Variants in PIKFYVE observed in about 807,000 individuals in gnomAD.
PIKFYVE encodes the protein phosphoinositide kinase, FYVE-type zinc finger containing.
PIKFYVE carries 122 observed loss-of-function variants against 257.9 expected under a neutral mutation model. The observed-to-expected ratio is 0.47, with a 90% CI of 0.41 to 0.55. The LOEUF (loss-of-function observed/expected upper bound fraction) is 0.55. Ranked by LOEUF, PIKFYVE falls within the 20% of genes least tolerant of loss-of-function variation. PIKFYVE has a pLI of 0.00. For synonymous variants in PIKFYVE, 892 were observed against 868.9 expected, an observed-to-expected ratio of 1.03 and a Z score of -0.47; for missense variants, 2,160 against 2,536.6, an observed-to-expected ratio of 0.85 and a Z score of 3.19.
intron 35 of PIKFYVE, 125 bp downstream of exon 35, chr2:208,348,148 C>T: frequency 8.1e-7 from 1 of 1,239,474 alleles, no homozygotes; most frequent in South Asian, 1.3e-5. Flanking sequence ...CCTCTGTTCT[C>T]ACTTGTCAGT....
At chr2:208,334,394 C>T (rs1272020261) in intron 24 of PIKFYVE, 1 of 152,962 alleles carries the variant, frequency 6.5e-6, no homozygotes, top group Non-Finnish European at 1.5e-5. Flanking sequence ...GGCCTTTAAT[C>T]TACCTGCACT....
At chr2:208,273,994 A>AT in intron 3 of PIKFYVE, 1 of 1,607,480 alleles carries the variant, frequency 6.2e-7, no homozygotes, top group Non-Finnish European at 8.5e-7. Context: ...CTATTTTTTG[A>AT]TTAATTACTT....
intron 5 of PIKFYVE, 108 bp from the exon 6 acceptor site, chr2:208,285,618 A>G: frequency 1.1e-6 from 1 of 882,238 alleles, no homozygotes; most frequent in South Asian, 1.4e-5. Flanking sequence ...CATTTCCGTT[A>G]TTAGATGAAC....
intron 1 of PIKFYVE, chr2:208,269,199 T>G (rs1162422822): frequency 6.6e-6 from 1 of 152,214 alleles, no homozygotes; most frequent in East Asian, 1.9e-4. Context: ...GAGACTAGAT[T>G]ATAAACTATA....
Position 208,320,325 on chromosome 2 carries a change from C to T in PIKFYVE, c.2156C>T (p.Thr719Ile). ...ATTGAGTATCTCTACAGAGAAGAAA[C>T]TAAGTTTACTTGCATTGATCCTATT... is the stretch of plus-strand genomic sequence containing the variant. The part of the protein sequence containing the change: ...CSIEYLYREE[T>I]KFTCIDPIVL... Residue 719 changes from threonine (T) to isoleucine (I), a missense_variant, in exon 17 of 42, where the codon ACT becomes ATT. Physicochemically the swap from Thr to Ile is moderately conservative, Grantham distance 89. Around this residue, in one of 12 missense-constraint regions of PIKFYVE, gnomAD observed 346 missense variants for 365.6 expected, o/e 0.95. Transcript: ENST00000264380. 1 of 1,612,282 alleles carries T rather than the reference C, an allele frequency of 6.2e-7. No homozygotes were observed. The highest frequency in any genetic ancestry group is 2.2e-5 in the East Asian group (1 of 44,660).
chr2:208,342,944 A>C (rs895659803), intron 32 of PIKFYVE, among the ~76,000 whole-genome samples: 13 of 151,718 alleles, frequency 8.6e-5, no homozygotes, highest in Admixed American at 5.2e-4. Flanking sequence ...ACAGACACAC[A>C]CCACCATGCC....
At chr2:208,270,845 C>T (rs1689326912) in intron 1 of PIKFYVE, among the ~76,000 whole-genome samples, 1 of 151,882 alleles carries the variant, frequency 6.6e-6, no homozygotes, top group African/African-American at 2.4e-5. Flanking sequence ...ACCAGCCTGG[C>T]CAACATGGTG....
At chr2:208,353,556 T>TTA (rs1699960724) in intron 39 of PIKFYVE, among the ~76,000 whole-genome samples, 1 of 152,130 alleles carries the variant, frequency 6.6e-6, no homozygotes, top group African/African-American at 2.4e-5. Context: ...TTTTTTTTTT[T>TTA]AACACTGTTT....
chr2:208,335,642 G>T, intron 25 of PIKFYVE, 151 bp from the exon 26 acceptor site: 2 of 780,762 alleles, frequency 2.6e-6, no homozygotes, highest in South Asian at 3.4e-5. Flanking sequence ...ATCCTTTTAG[G>T]TCTTATTTAC....
intron 2 of PIKFYVE, among the ~76,000 whole-genome samples, chr2:208,272,637 ATGTT>A (rs1421475304): frequency 6.6e-6 from 1 of 152,190 alleles, no homozygotes; most frequent in Non-Finnish European, 1.5e-5. Flanking sequence ...TACTTGAAGT[ATGTT>A]AGAAAGTAAT....
chr2:208,289,631 C>T (rs1692032790), intron 7 of PIKFYVE, among the ~76,000 whole-genome samples: 1 of 152,012 alleles, frequency 6.6e-6, no homozygotes, highest in Non-Finnish European at 1.5e-5. Flanking sequence ...GGGGTTTCAC[C>T]GTGTTAGCCA....
intron 37 of PIKFYVE, among the ~76,000 whole-genome samples, 187 bp downstream of exon 37, chr2:208,351,134 G>GT (rs1186595444): frequency 5.3e-5 from 8 of 152,184 alleles, no homozygotes; most frequent in Non-Finnish European, 8.8e-5. Flanking sequence ...GAACTTAGAT[G>GT]TGTTATTGAC....
chr2:208,355,276 C>T lies in PIKFYVE; in HGVS notation c.6268C>T (p.His2090Tyr). 1.2e-6 allele frequency: 2 copies of T among 1,613,860 alleles called. No homozygotes were observed. Among genetic ancestry groups the T allele is most frequent in the Non-Finnish European group, 1.7e-6 (2 of 1,179,788 alleles). Residue 2090 changes from histidine (H) to tyrosine (Y), a missense_variant, in exon 42 of 42, where the codon CAC (histidine) becomes TAC (tyrosine). This residue lies in a region of PIKFYVE where 38 missense variants were observed against 77.7 expected (regional missense o/e 0.49). Transcript: ENST00000264380. ...MDKYFLMVPD[H>Y]WTGLGLNC Reference sequence around the variant, plus strand: ...CAAGTATTTCCTAATGGTACCAGACCACTGGACAGGCTTGGGTCTGAATTG... The same window carrying T: ...CAAGTATTTCCTAATGGTACCAGACTACTGGACAGGCTTGGGTCTGAATTG...
In PIKFYVE at chr2:208,320,285, C is replaced by T. The variant is rs1306496750; in HGVS notation, c.2116C>T (p.Leu706=). 1.2e-6 allele frequency: 2 copies of T among 1,611,828 alleles called. No homozygotes were observed. The highest frequency in any genetic ancestry group is 1.7e-6 in the Non-Finnish European group (2 of 1,178,592). ...SSCIKNPKIL[L]LKCSIEYLYR... ...TTGTATTAAAAACCCCAAAATTCTT[C>T]TGTTGAAGTGTTCCATTGAGTATCT... Residue 706 remains leucine (L), a synonymous_variant, in exon 17 of 42, where the codon CTG becomes TTG. Coordinates refer to ENST00000264380, the MANE Select transcript of PIKFYVE (RefSeq NM_015040.4).
At chr2:208,327,354 C>G (rs1210211563) in intron 20 of PIKFYVE, among the ~76,000 whole-genome samples, 2 of 152,032 alleles carry the variant, frequency 1.3e-5, no homozygotes, top group Non-Finnish European at 2.9e-5. Context: ...TATAATCTAT[C>G]CTGCAGAAAT....
chr2:208,312,160 A>C lies in PIKFYVE; in HGVS notation c.1637-76A>C, dbSNP rs1469881049. The stretch of plus-strand genomic sequence containing the variant: ...TATTTTGTGTGTGGGCGTATTCTCT[A>C]TATAATTATGCTGACATGTTATAGT... On this transcript the variant is annotated intron_variant, in intron 12 of 41. Coordinates refer to ENST00000264380, the MANE Select transcript of PIKFYVE (RefSeq NM_015040.4). The C allele has an allele frequency of 1.1e-5, 12 of 1,067,926 alleles. 1 individual carries two copies. In the South Asian group the frequency reaches 1.4e-4, roughly 13 times the overall value. The allele number at this position is 1,067,926 out of a possible 1,614,324, so 66.2% of individuals were successfully genotyped here.
At chr2:208,339,707 C>G (rs934374757) in intron 30 of PIKFYVE, 152 bp downstream of exon 30, 1 of 1,140,260 alleles carries the variant, frequency 8.8e-7, no homozygotes, top group African/African-American at 1.5e-5. Context: ...GTGGTAACTA[C>G]TTAAATTATA....
At chr2:208,320,168 CA>C in intron 16 of PIKFYVE, 83 bp from the exon 17 acceptor site, 1 of 1,499,904 alleles carries the variant, frequency 6.7e-7, no homozygotes, top group South Asian at 1.3e-5. Context: ...GAATTATGAA[CA>C]ATATAGATTT....
intron 7 of PIKFYVE, among the ~76,000 whole-genome samples, chr2:208,289,228 T>C (rs1025945025): frequency 6.6e-5 from 10 of 152,204 alleles, no homozygotes; most frequent in African/African-American, 2.4e-4. Context: ...ATAAGGACTC[T>C]GTCATTTACT....
Sources: allele counts gnomAD v4.1 joint callset (sites outside exome capture counted in the v4.1 genomes callset), GRCh38; gene constraint gnomAD v4.1.1; regional missense constraint gnomAD v4.1.1; transcripts MANE v1.5; gene names NCBI Gene and HGNC (gene_info 2026-07-23, HGNC 2026-07-21).